The following PDE1C variants were observed in gnomAD, a reference collection of about 807,000 sequenced individuals.
PDE1C encodes dual specificity calcium/calmodulin-dependent 3',5'-cyclic nucleotide phosphodiesterase 1C.
Under a neutral mutation model 93.1 loss-of-function variants are expected in PDE1C, and 62 were observed. The ratio of observed to expected loss-of-function variants is 0.67; its 90% CI spans 0.54 to 0.82. PDE1C has a LOEUF of 0.82. PDE1C is among the 40% of genes least tolerant of loss of function. PDE1C has a pLI of 0.00. For synonymous variants in PDE1C, 325 were observed against 310.1 expected (o/e 1.05, Z -0.50); for missense variants, 742 against 884.6 (o/e 0.84, Z 2.04).
chr7:32,184,817 T>A (rs1447496868), intron 2 of PDE1C, among the ~76,000 whole-genome samples: 2 of 151,964 alleles, frequency 1.3e-5, no homozygotes, highest in South Asian at 2.1e-4. Context: ...TAAAATAAAA[T>A]AAACAACTTC....
At chr7:31,847,175 TTTAAAATGA>T (rs1190838430) in intron 9 of PDE1C, among the ~76,000 whole-genome samples, 1 of 152,146 alleles carries the variant, frequency 6.6e-6, no homozygotes, top group African/African-American at 2.4e-5. Flanking sequence ...TGCTAAGCAT[TTTAAAATGA>T]TTATGTCATT....
intron 1 of PDE1C, among the ~76,000 whole-genome samples, chr7:32,335,004 C>A (rs1349737893): frequency 6.6e-6 from 1 of 152,108 alleles, no homozygotes; most frequent in East Asian, 1.9e-4. Context: ...TTTGTAAAAT[C>A]TTTCTTCTCC....
chr7:31,823,433 G>C (rs541613255), intron 13 of PDE1C, among the ~76,000 whole-genome samples, 185 bp from the exon 14 acceptor site: 2 of 152,172 alleles, frequency 1.3e-5, no homozygotes, highest in South Asian at 4.2e-4. Context: ...ATTTTCAGCA[G>C]GAAAAACATC....
At chr7:32,360,521 T>C (rs1784117469) in intron 1 of PDE1C, among the ~76,000 whole-genome samples, 1 of 152,192 alleles carries the variant, frequency 6.6e-6, no homozygotes, top group South Asian at 2.1e-4. Flanking sequence ...TTCTTGTCCA[T>C]TCAGATGCTG....
intron 2 of PDE1C, among the ~76,000 whole-genome samples, chr7:32,187,704 C>T (rs11979111): frequency 0.67 from 101,485 of 151,016 alleles, 34,104 homozygotes; most frequent in East Asian, 0.77. Flanking sequence ...AATTGTCTAG[C>T]AGCTACATTC....
the PDE1C span, among the ~76,000 whole-genome samples, chr7:31,711,656 T>C: frequency 6.6e-6 from 1 of 152,202 alleles, no homozygotes; most frequent in Non-Finnish European, 1.5e-5. Context: ...TGTTCAACTT[T>C]CCAGTACTCA....
At chr7:32,147,191 A>G (rs1800893187) in intron 3 of PDE1C, among the ~76,000 whole-genome samples, 1 of 151,870 alleles carries the variant, frequency 6.6e-6, no homozygotes, top group Non-Finnish European at 1.5e-5. Context: ...TTTCAGAAAA[A>G]AAAAGATGTT....
intron 2 of PDE1C, among the ~76,000 whole-genome samples, chr7:31,915,055 C>A (rs1801708766): frequency 6.6e-6 from 1 of 152,176 alleles, no homozygotes; most frequent in African/African-American, 2.4e-5. Flanking sequence ...GATATTCATT[C>A]ATTTATTTCA....
rs554784065 is a variant in PDE1C, at chr7:32,237,219, C to T, written c.86-27680G>A. 4.6e-5 allele frequency among the ~76,000 whole-genome samples: 7 copies of T among 151,360 alleles called. No individual in the cohort carries two copies. In the South Asian group the frequency reaches 6.3e-4, roughly 14 times the overall value. On this transcript the variant is annotated intron_variant, in intron 1 of 18. Coordinates refer to the PDE1C transcript ENST00000396193. ...TTCCTGCCTCAGCCTCCTGAGTATC[C>T]GGGACTATAGGCGCCTACCACCACG...
intron 2 of PDE1C, among the ~76,000 whole-genome samples, chr7:31,919,300 T>G (rs1393885851): frequency 1.3e-5 from 2 of 152,118 alleles, no homozygotes; most frequent in Non-Finnish European, 2.9e-5. Context: ...ATACCACCTC[T>G]GCCACTGACG....
intron 17 of PDE1C, among the ~76,000 whole-genome samples, chr7:31,768,998 G>A (rs111699799): frequency 8.5e-4 from 129 of 152,142 alleles, no homozygotes; most frequent in African/African-American, 3.0e-3. Context: ...GTTTTGTCAC[G>A]TTGGCTAGGC....
intron 3 of PDE1C, among the ~76,000 whole-genome samples, chr7:32,096,820 A>AGGAT (rs1554502436): frequency 6.9e-6 from 1 of 144,482 alleles, no homozygotes; most frequent in Non-Finnish European, 1.5e-5. Context: ...AGGGGATAGA[A>AGGAT]AGATAGATAG....
At chr7:32,098,835 C>G (rs962864161) in intron 3 of PDE1C, among the ~76,000 whole-genome samples, 3 of 152,126 alleles carry the variant, frequency 2.0e-5, no homozygotes, top group Non-Finnish European at 2.9e-5. Flanking sequence ...ATTTGAAATG[C>G]TGAGGATTCA....
chr7:31,739,316 G>A, the PDE1C span, among the ~76,000 whole-genome samples: 2 of 151,968 alleles, frequency 1.3e-5, no homozygotes, highest in Non-Finnish European at 2.9e-5. Context: ...GCATCAGCCA[G>A]TTCAAGGAAA....
Position 32,099,597 on chromosome 7 carries a change from C to T in PDE1C, c.308+70188G>A, listed in dbSNP as rs146345823. On this transcript the variant is annotated intron_variant, in intron 3 of 18. Coordinates refer to the PDE1C transcript ENST00000396193. ...TTAACTAATTAAAAACCCAACAAAC[C>T]TACCTCTCTGGATTCCTTTTATTTG... Among the ~76,000 whole-genome samples, 76 of 152,250 alleles carry T rather than the reference C, an allele frequency of 5.0e-4. No individual in the cohort carries two copies. The East Asian group carries it at 0.014, about 27-fold the overall frequency.
intron 1 of PDE1C, among the ~76,000 whole-genome samples, chr7:32,306,027 C>T (rs952885508): frequency 6.6e-6 from 1 of 152,198 alleles, no homozygotes; most frequent in Non-Finnish European, 1.5e-5. Context: ...ACACTGTTCT[C>T]ATGGTAGTGA....
At chr7:31,805,886 T>C (rs1351711194) in intron 16 of PDE1C, among the ~76,000 whole-genome samples, 5 of 151,922 alleles carry the variant, frequency 3.3e-5, no homozygotes, top group Admixed American at 3.3e-4. Context: ...ATTTATTTCC[T>C]GGCTCCCAAA....
intron 6 of PDE1C, among the ~76,000 whole-genome samples, chr7:31,866,006 A>C (rs1178799593): frequency 6.6e-6 from 1 of 152,190 alleles, no homozygotes; most frequent in African/African-American, 2.4e-5. Flanking sequence ...TTGTCGTCTG[A>C]AATATGTATA....
intron 2 of PDE1C, among the ~76,000 whole-genome samples, chr7:32,012,954 C>T (rs1159890177): frequency 1.3e-5 from 2 of 152,054 alleles, no homozygotes; most frequent in African/African-American, 4.8e-5. Flanking sequence ...CTAATTCAAT[C>T]CCTGAAAATA....
Sources: gnomAD v4.1 joint callset for allele counts (sites outside exome capture counted in the v4.1 genomes callset) on GRCh38, gnomAD v4.1.1 for gene constraint, MANE v1.5 for transcripts, NCBI Gene and HGNC (gene_info 2026-07-23, HGNC 2026-07-21) for gene names.